The following PLCB4 variants were observed in gnomAD, a reference collection of about 807,000 sequenced individuals.
The protein encoded by PLCB4 is 1-phosphatidylinositol 4,5-bisphosphate phosphodiesterase beta-4.
PLCB4 carries 77 observed loss-of-function variants against 178.8 expected under a neutral mutation model. That is an observed-to-expected ratio of 0.43 (90% CI 0.36 to 0.52). PLCB4 has a LOEUF of 0.52. PLCB4 is among the 20% of genes least tolerant of loss of function. The pLI is 0.00. For missense variants in PLCB4, 1,024 were observed against 1,453.4 expected, an observed-to-expected ratio of 0.70 and a Z score of 4.80; for synonymous variants, 496 against 490.8, an observed-to-expected ratio of 1.01 and a Z score of -0.14.
chr20:9,469,737 A>T (rs1603067044), intron 36 of PLCB4, among the ~76,000 whole-genome samples: 1 of 151,910 alleles, frequency 6.6e-6, no homozygotes, highest in African/African-American at 2.4e-5. Flanking sequence ...GACTGGGGGG[A>T]AGGTTTGTGT....
intron 4 of PLCB4, among the ~76,000 whole-genome samples, chr20:9,322,724 G>T (rs1426000666): frequency 2.0e-5 from 3 of 152,222 alleles, no homozygotes; most frequent in African/African-American, 7.2e-5. Flanking sequence ...CCAGGATATT[G>T]TTTGCAAATA....
At chr20:9,406,837 G>A (rs747283883) in intron 21 of PLCB4, among the ~76,000 whole-genome samples, 64 of 152,084 alleles carry the variant, frequency 4.2e-4, no homozygotes, top group Non-Finnish European at 7.5e-4. Context: ...TCCAACTAAG[G>A]AATTTATCCA....
chr20:9,309,889 C>T (rs909355085), intron 4 of PLCB4, among the ~76,000 whole-genome samples: 2 of 152,104 alleles, frequency 1.3e-5, no homozygotes, highest in Admixed American at 6.5e-5. Context: ...ATTTGCTTTT[C>T]CTCTGGATTC....
intron 3 of PLCB4, among the ~76,000 whole-genome samples, chr20:9,241,129 G>C (rs1179492423): frequency 6.6e-6 from 1 of 152,122 alleles, no homozygotes; most frequent in Non-Finnish European, 1.5e-5. Flanking sequence ...TTAATTTGTG[G>C]TGGGTTTAGG....
At chr20:9,169,824 G>A (rs1225160423) in intron 2 of PLCB4, among the ~76,000 whole-genome samples, 1 of 152,000 alleles carries the variant, frequency 6.6e-6, no homozygotes, top group East Asian at 1.9e-4. Context: ...TCACCTCCTA[G>A]ATTCTACCAT....
intron 3 of PLCB4, among the ~76,000 whole-genome samples, chr20:9,304,431 T>A (rs2094741352): frequency 6.6e-6 from 1 of 151,792 alleles, no homozygotes; most frequent in Non-Finnish European, 1.5e-5. Context: ...GTAGCCAGGG[T>A]GCAAAGAGGG....
intron 2 of PLCB4, among the ~76,000 whole-genome samples, chr20:9,121,829 G>A (rs1457820671): frequency 6.6e-6 from 1 of 152,130 alleles, no homozygotes; most frequent in Non-Finnish European, 1.5e-5. Context: ...ATATTAGGTT[G>A]ATTATATTTA....
At chr20:9,437,626 G>C (rs140469737) in intron 30 of PLCB4, among the ~76,000 whole-genome samples, 123 of 152,312 alleles carry the variant, frequency 8.1e-4, no homozygotes, top group African/African-American at 2.8e-3. Flanking sequence ...TGATTGGATG[G>C]TGCCCATTCC....
intron 3 of PLCB4, among the ~76,000 whole-genome samples, chr20:9,246,838 C>T (rs2094131584): frequency 6.6e-6 from 1 of 152,010 alleles, no homozygotes; most frequent in Non-Finnish European, 1.5e-5. Flanking sequence ...ATTTTCATAC[C>T]ATTGACCCAT....
At chr20:9,108,245 G>A (rs2146673610) in intron 2 of PLCB4, among the ~76,000 whole-genome samples, 1 of 152,270 alleles carries the variant, frequency 6.6e-6, no homozygotes, top group South Asian at 2.1e-4. Context: ...TGGGAGTTGT[G>A]AGTCTGGATG....
intron 3 of PLCB4, among the ~76,000 whole-genome samples, chr20:9,261,040 A>G (rs1314514160): frequency 6.6e-6 from 1 of 152,130 alleles, no homozygotes; most frequent in Non-Finnish European, 1.5e-5. Context: ...ACTAAAATTG[A>G]TTCTTTATCC....
At position 9,426,111 on chromosome 20, in the gene PLCB4, G is replaced by GA. The variant is rs112205366; in HGVS notation, c.2524+2168dup. ...GCACCATCACACTCAGCATTTTCTA[G>GA]AAAAAAAAATGTTTTTTTTCCCCTA... On this transcript the variant is annotated intron_variant, in intron 28 of 39. Transcript: ENST00000378473. 4.0e-3 allele frequency among the ~76,000 whole-genome samples: 575 copies of GA among 145,278 alleles called. 1 individual carries two copies. The highest frequency in any genetic ancestry group is 0.014 in the African/African-American group (538 of 38,112).
chr20:9,222,364 A>T (rs1286799389), intron 3 of PLCB4, among the ~76,000 whole-genome samples: 1 of 152,120 alleles, frequency 6.6e-6, no homozygotes, highest in Non-Finnish European at 1.5e-5. Flanking sequence ...AAGCGCCAGG[A>T]TGACAGGCAT....
chr20:9,340,620 C>T (rs2033077026), intron 7 of PLCB4, among the ~76,000 whole-genome samples: 2 of 152,128 alleles, frequency 1.3e-5, no homozygotes, highest in South Asian at 4.1e-4. Context: ...AGATCAACTC[C>T]TTCTCTAATT....
At chr20:9,476,322 C>T (rs112853905) in intron 38 of PLCB4, among the ~76,000 whole-genome samples, 3 of 152,248 alleles carry the variant, frequency 2.0e-5, no homozygotes, top group African/African-American at 7.2e-5. Flanking sequence ...CACAGTATAT[C>T]TCATCTGTCT....
chr20:9,228,647 A>C (rs1290887732), intron 3 of PLCB4, among the ~76,000 whole-genome samples: 1 of 152,136 alleles, frequency 6.6e-6, no homozygotes, highest in Non-Finnish European at 1.5e-5. Flanking sequence ...TACAATTAGA[A>C]GTAGGTACAT....
At chr20:9,184,692 A>T (rs772897688) in intron 2 of PLCB4, among the ~76,000 whole-genome samples, 1 of 151,920 alleles carries the variant, frequency 6.6e-6, no homozygotes, top group Non-Finnish European at 1.5e-5. Context: ...GAAATAAAAC[A>T]TCGCCACTAT....
intron 1 of PLCB4, among the ~76,000 whole-genome samples, chr20:9,081,077 T>G (rs983599068): frequency 1.3e-5 from 2 of 152,202 alleles, no homozygotes; most frequent in African/African-American, 4.8e-5. Flanking sequence ...TATCTGTGCC[T>G]CCATTCATGT....
intron 4 of PLCB4, among the ~76,000 whole-genome samples, chr20:9,317,439 A>C (rs1334554032): frequency 1.3e-5 from 2 of 152,058 alleles, no homozygotes; most frequent in African/African-American, 4.8e-5. Flanking sequence ...TCCCTCTCTG[A>C]AGTTTCTTTG....
Sources: gnomAD v4.1 joint callset for allele counts (sites outside exome capture counted in the v4.1 genomes callset) on GRCh38, gnomAD v4.1.1 for gene constraint, MANE v1.5 for transcripts, NCBI Gene and HGNC (gene_info 2026-07-23, HGNC 2026-07-21) for gene names.